ANKH: variants seen among roughly 807,000 people sequenced by gnomAD.
ANKH encodes mineralization regulator ANKH.
Under a neutral mutation model 49.0 loss-of-function variants are expected in ANKH, and 15 were observed. That is an observed-to-expected ratio of 0.31 (90% CI 0.20 to 0.47). The LOEUF (loss-of-function observed/expected upper bound fraction) is 0.47. ANKH is among the 20% of genes least tolerant of loss of function. ANKH has a pLI of 1.00. For missense variants in ANKH, 429 were observed against 652.0 expected (o/e 0.66, Z 3.72); for synonymous variants, 273 against 260.0 (o/e 1.05, Z -0.48).
chr5:14,862,269 G>C (rs1264238957), intron 1 of ANKH, among the ~76,000 whole-genome samples: 1 of 152,170 alleles, frequency 6.6e-6, no homozygotes, highest in Admixed American at 6.6e-5. Flanking sequence ...TTTTTGCTAT[G>C]AAGAAGCAAC....
At chr5:14,809,993 GTT>G (rs1740829043) in intron 1 of ANKH, among the ~76,000 whole-genome samples, 1 of 152,138 alleles carries the variant, frequency 6.6e-6, no homozygotes, top group South Asian at 2.1e-4. Context: ...CACGGACTCT[GTT>G]TGTGTTCCCT....
At position 14,712,840 on chromosome 5, in the gene ANKH, A is replaced by G. The variant is rs926036817; in HGVS notation, c.1365+34T>C. The G allele has an allele frequency of 7.0e-6, 11 of 1,564,306 alleles. No individual in the cohort carries two copies. In the Admixed American group the frequency reaches 1.1e-4, roughly 16 times the overall value. ...GGTTCTCCTGCACCCAGGAGGATGC[A>G]CCCGGGAGGAGGCTCCCGGCGCGGC... On this transcript the variant is annotated intron_variant, in intron 11 of 11. Coordinates refer to ENST00000284268, the MANE Select transcript of ANKH (RefSeq NM_054027.6).
chr5:14,871,282 C>T (rs1735812764), intron 1 of ANKH, 70 bp downstream of exon 1: 1 of 1,385,538 alleles, frequency 7.2e-7, no homozygotes, highest in Non-Finnish European at 1.0e-6. Flanking sequence ...TGACTCCCCT[C>T]CGCCCCCGTG....
chr5:14,807,715 C>T (rs1740750595), intron 1 of ANKH, among the ~76,000 whole-genome samples: 6 of 152,156 alleles, frequency 3.9e-5, no homozygotes, highest in Admixed American at 3.9e-4. Flanking sequence ...GTGTAAATAT[C>T]ACAGGGCTAC....
chr5:14,741,465 C>T (rs142678336), intron 8 of ANKH: 21 of 260,002 alleles, frequency 8.1e-5, no homozygotes, highest in Admixed American at 3.7e-4. Flanking sequence ...ACTGAAGTAA[C>T]GCGGATTAAA....
intron 2 of ANKH, among the ~76,000 whole-genome samples, chr5:14,760,183 A>T (rs1402599229): frequency 6.6e-6 from 1 of 152,198 alleles, no homozygotes; most frequent in Non-Finnish European, 1.5e-5. Flanking sequence ...AGAACCACTG[A>T]GGCACCAAGA....
At position 14,709,558 on chromosome 5, in the gene ANKH, A is replaced by T. The variant is rs1387702955; in HGVS notation, c.*1639T>A. 1 of 152,236 alleles carries T rather than the reference A, an allele frequency of 6.6e-6. No homozygotes were observed. Among genetic ancestry groups the T allele is most frequent in the Non-Finnish European group, 1.5e-5 (1 of 68,046 alleles). The allele number at this position is 152,236 out of a possible 1,614,324, so 9.4% of individuals were successfully genotyped here. A position where few individuals can be genotyped will look rare whatever the true frequency, so the allele number is the denominator to read the frequency against. ...TTGCTGTGAGGAACAATATGATCAC[A>T]CAGCACTGAAAACGGTAGACACAAA... On this transcript the variant is annotated 3_prime_UTR_variant, in exon 12 of 12. Coordinates refer to ENST00000284268, the MANE Select transcript of ANKH (RefSeq NM_054027.6).
At chr5:14,780,064 T>G (rs1299807713) in intron 1 of ANKH, among the ~76,000 whole-genome samples, 1 of 151,934 alleles carries the variant, frequency 6.6e-6, no homozygotes, top group Non-Finnish European at 1.5e-5. Context: ...TTTTTTTTTT[T>G]TTTTTTCTGA....
intron 1 of ANKH, among the ~76,000 whole-genome samples, chr5:14,795,586 C>T (rs534239215): frequency 9.9e-5 from 15 of 152,168 alleles, no homozygotes; most frequent in Non-Finnish European, 1.9e-4. Flanking sequence ...TGGTGGCTCA[C>T]GCCTGTAATC....
chr5:14,820,236 T>C (rs1390295169), intron 1 of ANKH, among the ~76,000 whole-genome samples: 3 of 152,198 alleles, frequency 2.0e-5, no homozygotes, highest in African/African-American at 4.8e-5. Flanking sequence ...TTGCCTAATA[T>C]AGTGTTTTTT....
intron 1 of ANKH, among the ~76,000 whole-genome samples, chr5:14,792,521 G>A (rs1020029107): frequency 3.9e-5 from 6 of 152,092 alleles, no homozygotes; most frequent in Non-Finnish European, 8.8e-5. Flanking sequence ...CCCTCACAGT[G>A]GGGAATGGAC....
rs767461204 is a variant in ANKH at position 14,755,930 on chromosome 5, A to C, written c.447T>G (p.Ala149=). 27 of 1,613,936 alleles carry C rather than the reference A, an allele frequency of 1.7e-5. No homozygotes were observed. In the Admixed American group the frequency reaches 4.3e-4, roughly 26 times the overall value. Residue 149 remains alanine, a synonymous_variant, in exon 4 of 12, where the codon GCT becomes GCG. Transcript: ENST00000284268. ...TGTATTTGTGTTTTAAGAGAATGCC[A>C]GCATGGGTCCATGCCTGCCAGAAAG... ...PFMDAMAWTH[A]GILLKHKYSF...
Position 14,865,898 on chromosome 5 carries a change from C to G in ANKH, c.96+5454G>C, listed in dbSNP as rs531396537. 5.3e-5 allele frequency among the ~76,000 whole-genome samples: 8 copies of G among 152,276 alleles called. No homozygotes were observed. In the East Asian group the frequency reaches 1.5e-3, roughly 29 times the overall value. On this transcript the variant is annotated intron_variant, in intron 1 of 11. Transcript: ENST00000284268. ...AAGGGCTGAAGATATATGAACACTC[C>G]TATTACACATCTTATTCCAGGAATT...
chr5:14,809,354 A>AAAAAAAAAAAAG (rs1561065397), intron 1 of ANKH, among the ~76,000 whole-genome samples: 2 of 130,268 alleles, frequency 1.5e-5, no homozygotes, highest in African/African-American at 5.7e-5. Flanking sequence ...AAAAAAAAAA[A>AAAAAAAAAAAAG]AAAGAAAAAA....
chr5:14,718,724 C>T (rs1211224749), intron 8 of ANKH, among the ~76,000 whole-genome samples: 8 of 151,592 alleles, frequency 5.3e-5, no homozygotes, highest in South Asian at 2.1e-4. Flanking sequence ...GCAGGAGAAT[C>T]GCTTGAACCC....
chr5:14,805,458 T>TAC (rs2126565835), intron 1 of ANKH, among the ~76,000 whole-genome samples: 1 of 72,880 alleles, frequency 1.4e-5, no homozygotes, highest in Admixed American at 1.6e-4. Flanking sequence ...TATATATATA[T>TAC]GTACACACAC....
Position 14,716,853 on chromosome 5 carries a change from A to C in ANKH, c.1012-18T>G, listed in dbSNP as rs2126415669. 6.2e-7 allele frequency: 1 copy of C among 1,613,324 alleles called. No individual in the cohort carries two copies. Among genetic ancestry groups the C allele is most frequent in the Non-Finnish European group, 8.5e-7 (1 of 1,179,484 alleles). Reference sequence around the variant, plus strand: ...AAACAGAGCTGGGGAGAAAGACATCAAACAGGGTTGTGAGGAAAAAGTGTA... The same window carrying C: ...AAACAGAGCTGGGGAGAAAGACATCCAACAGGGTTGTGAGGAAAAAGTGTA... On this transcript the variant is annotated intron_variant, in intron 8 of 11. Transcript: ENST00000284268.
intron 1 of ANKH, among the ~76,000 whole-genome samples, chr5:14,774,807 C>T (rs962445009): frequency 6.6e-6 from 1 of 152,082 alleles, no homozygotes; most frequent in Non-Finnish European, 1.5e-5. Flanking sequence ...CATCCCCAGA[C>T]CTACAACATG....
Position 14,768,994 on chromosome 5 carries a change from G to A in ANKH, c.294C>T (p.Ala98=), listed in dbSNP as rs17251667. 288,623 of 1,613,992 alleles carry A rather than the reference G, an allele frequency of 0.18. 27,910 individuals carry two copies. Among genetic ancestry groups the A allele is most frequent in the Middle Eastern group, 0.26 (1,582 of 6,062 alleles). The change falls in exon 2 of 12, where the codon GCC becomes GCT. Residue 98 remains alanine (A), a synonymous_variant. Transcript: ENST00000284268. ...LCMVVAGAIA[A]VFHTLIAYSD... is the part of the protein sequence containing the mutation. ...CCTCACCTATCAGTGTGTGAAAGACGGCAGCGATGGCCCCTGCCACCACCA... is the reference window on the plus strand; with the variant it reads ...CCTCACCTATCAGTGTGTGAAAGACAGCAGCGATGGCCCCTGCCACCACCA...
Sources: gnomAD v4.1 joint callset for allele counts (sites outside exome capture counted in the v4.1 genomes callset) on GRCh38, gnomAD v4.1.1 for gene constraint, MANE v1.5 for transcripts, NCBI Gene and HGNC (gene_info 2026-07-23, HGNC 2026-07-21) for gene names.